PCDH9: variants seen among roughly 807,000 people sequenced by gnomAD.
The protein encoded by PCDH9 is protocadherin-9.
In PCDH9, 24 loss-of-function variants were observed where a neutral mutation model predicts 70.6. The observed-to-expected ratio is 0.34, with a 90% CI of 0.25 to 0.48. The LOEUF (loss-of-function observed/expected upper bound fraction) is 0.48. Ranked by LOEUF, PCDH9 falls within the 20% of genes least tolerant of loss-of-function variation. The pLI is 0.99. For missense variants in PCDH9, 1,281 were observed against 1,503.6 expected (o/e 0.85, Z 2.45); for synonymous variants, 562 against 558.5 (o/e 1.01, Z -0.09).
chr13:67,096,211 G>A (rs556120305), intron 2 of PCDH9, among the ~76,000 whole-genome samples: 58 of 152,206 alleles, frequency 3.8e-4, no homozygotes, highest in African/African-American at 1.3e-3. Context: ...TGTGTTGGGG[G>A]TAGTGTTTCA....
chr13:67,132,620 T>C (rs2087134713), intron 2 of PCDH9, among the ~76,000 whole-genome samples: 1 of 151,908 alleles, frequency 6.6e-6, no homozygotes, highest in South Asian at 2.1e-4. Context: ...TCAAAATAAT[T>C]CTAAGAGACT....
chr13:67,194,143 C>T (rs543914578), intron 2 of PCDH9, among the ~76,000 whole-genome samples: 1 of 152,200 alleles, frequency 6.6e-6, no homozygotes, highest in South Asian at 2.1e-4. Flanking sequence ...TTATCAAATA[C>T]TTAATGATGC....
In PCDH9 at chr13:66,503,056, G is replaced by A. The variant is rs191333506; in HGVS notation, c.3340+128154C>T. 3.6e-4 allele frequency among the ~76,000 whole-genome samples: 55 copies of A among 152,218 alleles called. No individual in the cohort carries two copies. In the East Asian group the frequency reaches 9.9e-3, roughly 27 times the overall value. On this transcript the variant is annotated intron_variant, in intron 4 of 4. Coordinates refer to ENST00000377865, the MANE Select transcript of PCDH9 (RefSeq NM_203487.3). ...ATTCTGCTGAGCAGTCCAGGATGGG[G>A]GGAGGAAGGAAACATAAATATAATT...
At chr13:66,464,888 G>T (rs7334342) in intron 4 of PCDH9, among the ~76,000 whole-genome samples, 3,197 of 151,948 alleles carry the variant, frequency 0.021, 111 homozygotes, top group African/African-American at 0.072. Flanking sequence ...TAATTAAAAA[G>T]AATATATCTA....
intron 2 of PCDH9, among the ~76,000 whole-genome samples, chr13:67,198,745 T>C (rs939959096): frequency 3.3e-5 from 5 of 151,914 alleles, no homozygotes; most frequent in Admixed American, 2.0e-4. Context: ...TTGATAATTC[T>C]GAATTTATTT....
intron 2 of PCDH9, among the ~76,000 whole-genome samples, chr13:66,971,644 C>G (rs1391522013): frequency 6.6e-6 from 1 of 151,880 alleles, no homozygotes; most frequent in Non-Finnish European, 1.5e-5. Flanking sequence ...TCAATGACTG[C>G]AAATCTAATG....
At chr13:66,622,153 C>G (rs1351505947) in intron 4 of PCDH9, among the ~76,000 whole-genome samples, 4 of 152,210 alleles carry the variant, frequency 2.6e-5, no homozygotes, top group Non-Finnish European at 4.4e-5. Context: ...GCACTGCACT[C>G]GATTTGTCAC....
At chr13:67,142,335 T>C (rs1361127993) in intron 2 of PCDH9, among the ~76,000 whole-genome samples, 3 of 152,196 alleles carry the variant, frequency 2.0e-5, no homozygotes, top group Non-Finnish European at 4.4e-5. Flanking sequence ...AAAATTGTTC[T>C]ACATAAAATA....
intron 2 of PCDH9, among the ~76,000 whole-genome samples, chr13:67,137,878 A>G (rs1247000483): frequency 2.6e-5 from 4 of 152,172 alleles, no homozygotes; most frequent in Non-Finnish European, 5.9e-5. Context: ...TGTCCAAAAA[A>G]GGAGAGGAAA....
intron 3 of PCDH9, among the ~76,000 whole-genome samples, chr13:66,836,559 T>C (rs1311584460): frequency 6.6e-6 from 1 of 152,184 alleles, no homozygotes; most frequent in East Asian, 1.9e-4. Context: ...CTATTCTCTG[T>C]GCACCTACAT....
intron 4 of PCDH9, among the ~76,000 whole-genome samples, chr13:66,555,134 A>ACT (rs34712470): frequency 0.26 from 39,302 of 151,958 alleles, 5,300 homozygotes; most frequent in South Asian, 0.34. Flanking sequence ...ACGCCATTGC[A>ACT]CTCCAGCCTG....
intron 3 of PCDH9, among the ~76,000 whole-genome samples, chr13:66,757,233 C>T (rs1442016): frequency 0.11 from 16,501 of 152,182 alleles, 1,026 homozygotes; most frequent in African/African-American, 0.17. Flanking sequence ...TTGTTGAAGA[C>T]GGTAGAACTG....
At chr13:66,992,949 A>C (rs1001984400) in intron 2 of PCDH9, among the ~76,000 whole-genome samples, 1 of 152,136 alleles carries the variant, frequency 6.6e-6, no homozygotes, top group Non-Finnish European at 1.5e-5. Context: ...AAAATGTAAA[A>C]TAGCAGCAAA....
At chr13:67,045,200 C>T (rs1192184429) in intron 2 of PCDH9, among the ~76,000 whole-genome samples, 1 of 152,040 alleles carries the variant, frequency 6.6e-6, no homozygotes, top group African/African-American at 2.4e-5. Flanking sequence ...TGGCCTATCA[C>T]CAACTGTAAG....
intron 2 of PCDH9, among the ~76,000 whole-genome samples, chr13:67,081,074 T>C (rs2085973118): frequency 6.6e-6 from 1 of 152,202 alleles, no homozygotes; most frequent in South Asian, 2.1e-4. Flanking sequence ...CTTTCCAATA[T>C]AATTTTGAAA....
At chr13:67,110,617 G>C (rs2086641105) in intron 2 of PCDH9, among the ~76,000 whole-genome samples, 1 of 150,702 alleles carries the variant, frequency 6.6e-6, no homozygotes, top group African/African-American at 2.4e-5. Flanking sequence ...GATTATCAAA[G>C]ACTTCCTATG....
At chr13:66,779,849 C>CTCTCTCTCTCTATATATATATA (rs1395244975) in intron 3 of PCDH9, among the ~76,000 whole-genome samples, 1 of 78,920 alleles carries the variant, frequency 1.3e-5, no homozygotes, top group African/African-American at 5.2e-5. Context: ...CTCTCTCTCT[C>CTCTCTCTCTCTATATATATATA]TATATATATA....
At chr13:67,169,915 G>C (rs1462105084) in intron 2 of PCDH9, among the ~76,000 whole-genome samples, 1 of 151,986 alleles carries the variant, frequency 6.6e-6, no homozygotes, top group African/African-American at 2.4e-5. Flanking sequence ...TTATAATTCT[G>C]GCAATACATC....
intron 3 of PCDH9, among the ~76,000 whole-genome samples, chr13:66,760,377 G>T (rs2079605275): frequency 1.3e-5 from 2 of 152,112 alleles, no homozygotes; most frequent in South Asian, 4.1e-4. Flanking sequence ...GTTGAGGGAA[G>T]TCAGGGACCC....
Sources: gnomAD v4.1 joint callset for allele counts (sites outside exome capture counted in the v4.1 genomes callset) on GRCh38, gnomAD v4.1.1 for gene constraint, MANE v1.5 for transcripts, NCBI Gene and HGNC (gene_info 2026-07-23, HGNC 2026-07-21) for gene names.